DZIP1L: variants seen among roughly 807,000 people sequenced by gnomAD.
The protein encoded by DZIP1L is DAZ interacting zinc finger protein 1 like.
DZIP1L carries 90 observed loss-of-function variants against 88.7 expected under a neutral mutation model. The observed-to-expected ratio is 1.02, with a 90% CI of 0.86 to 1.21. The LOEUF is 1.21. Among genes scored for constraint, DZIP1L ranks in the 50% most tolerant of loss-of-function variants. The probability of loss-of-function intolerance (pLI) is 0.00; values close to 1 mark genes in which losing one functional copy is unlikely to be tolerated. For missense variants in DZIP1L, 932 were observed against 955.8 expected (o/e 0.98, Z 0.33); for synonymous variants, 363 against 372.1 (o/e 0.98, Z 0.28).
At chr3:138,112,839 C>T (rs1383118012) in intron 1 of DZIP1L, among the ~76,000 whole-genome samples, 7 of 152,012 alleles carry the variant, frequency 4.6e-5, no homozygotes, top group African/African-American at 1.7e-4. Context: ...CCCAGCTACT[C>T]GGGAGGCTGA....
intron 9 of DZIP1L, among the ~76,000 whole-genome samples, chr3:138,080,956 C>T (rs1165132310): frequency 6.6e-6 from 1 of 152,158 alleles, no homozygotes; most frequent in African/African-American, 2.4e-5. Flanking sequence ...TGGCACATGT[C>T]TATTATCAAT....
At chr3:138,097,868 G>T in intron 2 of DZIP1L, 21 bp from the exon 3 acceptor site, 1 of 1,600,034 alleles carries the variant, frequency 6.2e-7, no homozygotes, top group Non-Finnish European at 8.5e-7. Flanking sequence ...AGGAAGCAAT[G>T]GGGAGTACAA....
At chr3:138,085,637 GA>G (rs1464492252) in intron 7 of DZIP1L, among the ~76,000 whole-genome samples, 1 of 152,148 alleles carries the variant, frequency 6.6e-6, no homozygotes, top group African/African-American at 2.4e-5. Context: ...GGAGAAATAG[GA>G]ACACTTTTAC....
At chr3:138,080,489 T>C (rs779284519) in intron 10 of DZIP1L, 78 bp downstream of exon 10, 2 of 1,516,658 alleles carry the variant, frequency 1.3e-6, no homozygotes, top group East Asian at 2.3e-5. Flanking sequence ...TACAGTTAAG[T>C]AGAGACAAAC....
intron 14 of DZIP1L, among the ~76,000 whole-genome samples, chr3:138,066,672 G>A (rs1942917274): frequency 6.6e-6 from 1 of 151,984 alleles, no homozygotes; most frequent in South Asian, 2.1e-4. Context: ...AGCACGCGGT[G>A]AGCACCCAGC....
chr3:138,070,873 A>C (rs1943146360), intron 12 of DZIP1L, among the ~76,000 whole-genome samples: 1 of 152,156 alleles, frequency 6.6e-6, no homozygotes, highest in Admixed American at 6.5e-5. Context: ...GCCTCTCACC[A>C]CAGCAGCCCA....
intron 1 of DZIP1L, among the ~76,000 whole-genome samples, chr3:138,111,585 C>T (rs970649110): frequency 6.6e-6 from 1 of 152,232 alleles, no homozygotes; most frequent in Non-Finnish European, 1.5e-5. Context: ...CTCCCAACTA[C>T]ACAGAATTAG....
chr3:138,086,726 G>A (rs928006547), intron 7 of DZIP1L, among the ~76,000 whole-genome samples: 5 of 152,306 alleles, frequency 3.3e-5, no homozygotes, highest in East Asian at 1.9e-4. Flanking sequence ...GGATGTGTTC[G>A]ATTCAGAGGA....
intron 3 of DZIP1L, among the ~76,000 whole-genome samples, chr3:138,096,216 T>C (rs1239718956): frequency 2.6e-5 from 4 of 152,182 alleles, no homozygotes; most frequent in Non-Finnish European, 4.4e-5. Context: ...AAAGAGGCCA[T>C]GACCATTAAT....
chr3:138,085,121 T>A (rs7639197), intron 7 of DZIP1L, among the ~76,000 whole-genome samples: 96,457 of 151,930 alleles, frequency 0.63, 31,305 homozygotes, highest in Non-Finnish European at 0.7. Context: ...TGGATTAAAG[T>A]CTTAAACGTT....
chr3:138,084,280 T>C, intron 7 of DZIP1L, 27 bp from the exon 8 acceptor site: 1 of 1,609,822 alleles, frequency 6.2e-7, no homozygotes, highest in South Asian at 1.1e-5. Flanking sequence ...GGCTGGTCAG[T>C]CAAATGTCTG....
chr3:138,079,261 T>A (rs943665896), intron 10 of DZIP1L, among the ~76,000 whole-genome samples: 1 of 152,220 alleles, frequency 6.6e-6, no homozygotes, highest in Non-Finnish European at 1.5e-5. Context: ...TGTTTGAAGA[T>A]GTGATTCATC....
intron 5 of DZIP1L, among the ~76,000 whole-genome samples, chr3:138,090,086 A>G (rs2622718): frequency 0.63 from 96,389 of 151,866 alleles, 31,286 homozygotes; most frequent in Non-Finnish European, 0.7. Flanking sequence ...GCTGCAGTGA[A>G]CCGTGATTGT....
In DZIP1L at chr3:138,068,386, A is replaced by G. The variant is rs371606972; in HGVS notation, c.1616-19T>C. ...CTTTTGACTGGAAACACAGAAAGGA[A>G]TGATTTTTGGAGTACACCCATGCTG... On this transcript the variant is annotated intron_variant, in intron 12 of 15. Coordinates refer to ENST00000327532, the MANE Select transcript of DZIP1L (RefSeq NM_173543.3). 5.1e-5 allele frequency: 76 copies of G among 1,477,948 alleles called. No individual in the cohort carries two copies. In the African/African-American group the frequency reaches 1.1e-3, roughly 21 times the overall value. The allele number at this position is 1,477,948 out of a possible 1,614,324, so 91.6% of individuals were successfully genotyped here.
chr3:138,103,533 G>C lies in DZIP1L; in HGVS notation c.439C>G (p.Arg147Gly), dbSNP rs781705384. 1 of 1,610,994 alleles carries C rather than the reference G, an allele frequency of 6.2e-7. No homozygotes were observed. The highest frequency in any genetic ancestry group is 1.1e-5 in the South Asian group (1 of 90,980). The change falls in exon 2 of 16, where the codon CGC (arginine) becomes GGC (glycine). Residue 147 changes from arginine to glycine, a missense_variant. By Grantham distance (125) the Arg-to-Gly change is moderately radical. Coordinates refer to ENST00000327532, the MANE Select transcript of DZIP1L (RefSeq NM_173543.3). ...KGVREESRRR[R>G]KMISTLQQLL... ...TGCTGCAGGGTGCTGATCATCTTGC[G>C]ACGCCGGCGGCTCTCCTCCCGCACA...
chr3:138,068,751 C>G (rs1253855400), intron 12 of DZIP1L, among the ~76,000 whole-genome samples: 2 of 152,138 alleles, frequency 1.3e-5, no homozygotes, highest in South Asian at 2.1e-4. Flanking sequence ...GCAGGAAGAC[C>G]CCACTGCCAC....
At chr3:138,089,752 CTTTAATAAAAG>C (rs1425576949) in intron 5 of DZIP1L, among the ~76,000 whole-genome samples, 1 of 152,084 alleles carries the variant, frequency 6.6e-6, no homozygotes, top group African/African-American at 2.4e-5. Flanking sequence ...GATTCCTATA[CTTTAATAAAAG>C]TAAAACAATA....
intron 1 of DZIP1L, among the ~76,000 whole-genome samples, chr3:138,107,695 T>A (rs945776886): frequency 1.3e-5 from 2 of 152,126 alleles, no homozygotes; most frequent in African/African-American, 4.8e-5. Flanking sequence ...CCCTTAAACC[T>A]CCAATTCATC....
At chr3:138,088,593 C>G (rs1189347625) in intron 5 of DZIP1L, 86 bp from the exon 6 acceptor site, 1 of 1,465,492 alleles carries the variant, frequency 6.8e-7, no homozygotes, top group Non-Finnish European at 9.1e-7. Flanking sequence ...CAGAGGGGCA[C>G]GCCTTACCCA....
Sources: allele counts gnomAD v4.1 joint callset (sites outside exome capture counted in the v4.1 genomes callset), GRCh38; gene constraint gnomAD v4.1.1; transcripts MANE v1.5; gene names NCBI Gene and HGNC (gene_info 2026-07-23, HGNC 2026-07-21).